The following HS3ST3B1 variants were observed in gnomAD, a reference collection of about 807,000 sequenced individuals.
HS3ST3B1 encodes heparan sulfate-glucosamine 3-sulfotransferase 3B1.
Under a neutral mutation model 21.3 loss-of-function variants are expected in HS3ST3B1, and 13 were observed. The ratio of observed to expected loss-of-function variants is 0.61; its 90% CI spans 0.40 to 0.97. The LOEUF is 0.97. HS3ST3B1 is among the 50% of genes least tolerant of loss of function. The pLI is 0.00. For missense variants in HS3ST3B1, 459 were observed against 554.8 expected, an observed-to-expected ratio of 0.83 and a Z score of 1.73; for synonymous variants, 234 against 254.8, an observed-to-expected ratio of 0.92 and a Z score of 0.78.
chr17:14,302,668 C>A (rs1008874833), intron 1 of HS3ST3B1, among the ~76,000 whole-genome samples: 3 of 152,018 alleles, frequency 2.0e-5, no homozygotes, highest in Non-Finnish European at 2.9e-5. Context: ...GAGGGTGAGC[C>A]GGGCGGGTGG....
intron 1 of HS3ST3B1, chr17:14,329,375 G>GAAAGAA (rs769676433): frequency 7.0e-4 from 54 of 76,860 alleles, no homozygotes; most frequent in South Asian, 8.9e-4. Context: ...GAAAAGGAAG[G>GAAAGAA]AAGGAAGGAA....
chr17:14,314,451 T>C (rs1909437151), intron 1 of HS3ST3B1, among the ~76,000 whole-genome samples: 3 of 152,336 alleles, frequency 2.0e-5, no homozygotes, highest in African/African-American at 7.2e-5. Flanking sequence ...TATCCCCTTC[T>C]GGTTACCGTC....
chr17:14,312,832 C>T (rs953800472), intron 1 of HS3ST3B1, among the ~76,000 whole-genome samples: 1 of 151,970 alleles, frequency 6.6e-6, no homozygotes, highest in African/African-American at 2.4e-5. Context: ...TATTGTCCAG[C>T]ACCATGAGGA....
In HS3ST3B1 at chr17:14,316,117, C is replaced by T. The variant is rs920397887; in HGVS notation, c.554+14045C>T. Among the ~76,000 whole-genome samples, 3 of 152,104 alleles carry T rather than the reference C, an allele frequency of 2.0e-5. No homozygotes were observed. In the South Asian group the frequency reaches 6.2e-4, roughly 31 times the overall value. Reference sequence around the variant, plus strand: ...GAGTCTGACACTAATCCTGTGCTCCCGCTCTCTCTCCATCCACCTTTACCC... The same window carrying T: ...GAGTCTGACACTAATCCTGTGCTCCTGCTCTCTCTCCATCCACCTTTACCC... On this transcript the variant is annotated intron_variant, in intron 1 of 1. Coordinates refer to ENST00000360954, the MANE Select transcript of HS3ST3B1 (RefSeq NM_006041.3).
Position 14,345,438 on chromosome 17 carries a change from C to T in HS3ST3B1, c.965C>T (p.Thr322Met), listed in dbSNP as rs746279824. ...QDFLGLKRII[T>M]DKHFYFNKTK... ...TTCCTGGGCCTCAAGAGGATCATCA[C>T]GGACAAGCACTTCTACTTCAACAAG... The change falls in exon 2 of 2, where the codon ACG becomes ATG. Residue 322 changes from threonine to methionine, a missense_variant. By Grantham distance (81) the Thr-to-Met change is moderately conservative. This residue lies in a region of HS3ST3B1 where 127 missense variants were observed against 209.9 expected (regional missense o/e 0.60). Coordinates refer to ENST00000360954, the MANE Select transcript of HS3ST3B1 (RefSeq NM_006041.3). 2.3e-5 allele frequency: 32 copies of T among 1,368,404 alleles called. No individual in the cohort carries two copies. In the African/African-American group the frequency reaches 2.5e-4, roughly 10 times the overall value. 84.8% of individuals were successfully genotyped at this position (1,368,404 alleles called of 1,614,324 possible). A position where few individuals can be genotyped will look rare whatever the true frequency, so the allele number is the denominator to read the frequency against.
At chr17:14,302,763 C>T (rs926149374) in intron 1 of HS3ST3B1, among the ~76,000 whole-genome samples, 1 of 152,136 alleles carries the variant, frequency 6.6e-6, no homozygotes, top group South Asian at 2.1e-4. Flanking sequence ...GCACTGCAAC[C>T]GGCTGGAGCG....
intron 1 of HS3ST3B1, among the ~76,000 whole-genome samples, chr17:14,342,972 A>ACG (rs1910433207): frequency 6.6e-6 from 1 of 152,222 alleles, no homozygotes; most frequent in South Asian, 2.1e-4. Context: ...GGCCGGGAGC[A>ACG]GTGGCTCACG....
rs1200640256 is a variant in HS3ST3B1, at chr17:14,348,693, ATTGG to A, written c.*3048_*3051del. The A allele has an allele frequency of 6.6e-6, 1 of 152,168 alleles. No individual in the cohort carries two copies. The highest frequency in any genetic ancestry group is 1.5e-5 in the Non-Finnish European group (1 of 68,034). The allele number at this position is 152,168 out of a possible 1,614,324, so 9.4% of individuals were successfully genotyped here. On this transcript the variant is annotated 3_prime_UTR_variant, in exon 2 of 2. Coordinates refer to ENST00000360954, the MANE Select transcript of HS3ST3B1 (RefSeq NM_006041.3). ...ATTTACACGAAAAGCTCTGATATTC[ATTGG>A]AGTACTTTATTTTTTTTCCTCAGTT... is the stretch of plus-strand genomic sequence containing the variant.
In HS3ST3B1 at chr17:14,303,347, TAA is replaced by T. The variant is rs566282466; in HGVS notation, c.554+1278_554+1279del. 2.1e-3 allele frequency among the ~76,000 whole-genome samples: 323 copies of T among 152,230 alleles called. 2 individuals are homozygous for T. The highest frequency in any genetic ancestry group is 7.4e-3 in the African/African-American group (308 of 41,538). On this transcript the variant is annotated intron_variant, in intron 1 of 1. Transcript: ENST00000360954. This position sits in a 1 kb window ranked among gnomAD's most constrained non-coding sequence, Gnocchi z 5.7. ...GTCGGGACCTGGGTGGGTTGGAGAATAAAAGAGGGCTGACCCCGCGGATTAAA... is the reference window on the plus strand; with the variant it reads ...GTCGGGACCTGGGTGGGTTGGAGAATAAGAGGGCTGACCCCGCGGATTAAA...
At position 14,345,757 on chromosome 17, in the gene HS3ST3B1, CAATT is replaced by C. The variant is rs1269576366; in HGVS notation, c.*116_*119del. 2.1e-5 allele frequency: 28 copies of C among 1,325,894 alleles called. No individual in the cohort carries two copies. In the East Asian group the frequency reaches 4.9e-4, roughly 23 times the overall value. 82.1% of individuals were successfully genotyped at this position (1,325,894 alleles called of 1,614,324 possible). A position where few individuals can be genotyped will look rare whatever the true frequency, so the allele number is the denominator to read the frequency against. ...TAATAATTTATTTTTAATTCATAAG[CAATT>C]AATTCACTAAGCTGCCTAGCCACAC... is the stretch of plus-strand genomic sequence containing the variant. On this transcript the variant is annotated 3_prime_UTR_variant, in exon 2 of 2. Transcript: ENST00000360954.
At chr17:14,309,677 T>C (rs868812244) in intron 1 of HS3ST3B1, among the ~76,000 whole-genome samples, 19 of 152,184 alleles carry the variant, frequency 1.2e-4, no homozygotes, top group Non-Finnish European at 2.2e-4. Flanking sequence ...TCTATTGTGC[T>C]CTCTTCCTTT....
chr17:14,341,406 C>T (rs1290990369), intron 1 of HS3ST3B1, among the ~76,000 whole-genome samples: 1 of 152,224 alleles, frequency 6.6e-6, no homozygotes, highest in Admixed American at 6.5e-5. Context: ...TTCCTTACAT[C>T]CTTTCCAAGA....
At chr17:14,329,134 A>G (rs62054232) in intron 1 of HS3ST3B1, 47,883 of 151,806 alleles carry the variant, frequency 0.32, 9,050 homozygotes, top group Non-Finnish European at 0.42. Flanking sequence ...TCTTGTCCCA[A>G]ACTCCTAGTG....
Position 14,345,761 on chromosome 17 carries a change from T to A in HS3ST3B1, c.*115T>A. The A allele has an allele frequency of 7.7e-7, 1 of 1,299,986 alleles. No individual in the cohort carries two copies. Among genetic ancestry groups the A allele is most frequent in the Non-Finnish European group, 1.0e-6 (1 of 967,518 alleles). The allele number at this position is 1,299,986 out of a possible 1,614,324, so 80.5% of individuals were successfully genotyped here. A position where few individuals can be genotyped will look rare whatever the true frequency, so the allele number is the denominator to read the frequency against. ...AATTTATTTTTAATTCATAAGCAATTAATTCACTAAGCTGCCTAGCCACAC... is the reference window on the plus strand; with the variant it reads ...AATTTATTTTTAATTCATAAGCAATAAATTCACTAAGCTGCCTAGCCACAC... On this transcript the variant is annotated 3_prime_UTR_variant, in exon 2 of 2. Coordinates refer to ENST00000360954, the MANE Select transcript of HS3ST3B1 (RefSeq NM_006041.3).
intron 1 of HS3ST3B1, among the ~76,000 whole-genome samples, chr17:14,302,642 A>C (rs1351731592): frequency 1.3e-5 from 2 of 151,910 alleles, no homozygotes; most frequent in Non-Finnish European, 2.9e-5. Context: ...CTCGCTCGCG[A>C]GCCGCCTGGG....
chr17:14,345,391 G>A lies in HS3ST3B1; in HGVS notation c.918G>A (p.Gly306=). ...SGERLISDPA[G]ELGRVQDFLG... is the part of the protein sequence containing the mutation. ...AGCGGCTCATCAGCGACCCGGCCGG[G>A]GAGCTGGGCCGCGTGCAAGACTTCC... Residue 306 remains glycine, a synonymous_variant, in exon 2 of 2, where the codon GGG becomes GGA. Coordinates refer to ENST00000360954, the MANE Select transcript of HS3ST3B1 (RefSeq NM_006041.3). The A allele has an allele frequency of 1.7e-6, 2 of 1,203,784 alleles. No homozygotes were observed. Among genetic ancestry groups the A allele is most frequent in the Non-Finnish European group, 2.3e-6 (2 of 852,178 alleles). The allele number at this position is 1,203,784 out of a possible 1,614,324, so 74.6% of individuals were successfully genotyped here. A position where few individuals can be genotyped will look rare whatever the true frequency, so the allele number is the denominator to read the frequency against.
At chr17:14,316,294 A>G (rs1909497071) in intron 1 of HS3ST3B1, among the ~76,000 whole-genome samples, 1 of 152,198 alleles carries the variant, frequency 6.6e-6, no homozygotes, top group African/African-American at 2.4e-5. Flanking sequence ...GTGGAGTTGC[A>G]GTGAATCAAG....
At chr17:14,311,865 A>T (rs1909316357) in intron 1 of HS3ST3B1, among the ~76,000 whole-genome samples, 1 of 152,118 alleles carries the variant, frequency 6.6e-6, no homozygotes, top group Admixed American at 6.6e-5. Context: ...AGCACCACTT[A>T]AAACAGGCTC....
At chr17:14,309,368 G>A (rs1197661481) in intron 1 of HS3ST3B1, among the ~76,000 whole-genome samples, 1 of 152,216 alleles carries the variant, frequency 6.6e-6, no homozygotes, top group Non-Finnish European at 1.5e-5. Flanking sequence ...GTAGTCCTCC[G>A]TGGCCACGTG....
Sources: allele counts gnomAD v4.1 joint callset (sites outside exome capture counted in the v4.1 genomes callset), GRCh38; gene constraint gnomAD v4.1.1; regional missense constraint gnomAD v4.1.1; non-coding constraint Gnocchi (gnomAD v3.1); transcripts MANE v1.5; gene names NCBI Gene and HGNC (gene_info 2026-07-23, HGNC 2026-07-21).